The following SRD5A1 variants were observed in gnomAD, a reference collection of about 807,000 sequenced individuals.
The protein encoded by SRD5A1 is 3-oxo-5-alpha-steroid 4-dehydrogenase 1.
In SRD5A1, 22 loss-of-function variants were observed where a neutral mutation model predicts 28.2. The ratio of observed to expected loss-of-function variants is 0.78; its 90% CI spans 0.56 to 1.12. The LOEUF is 1.12. Among genes scored for constraint, SRD5A1 ranks in the 50% most tolerant of loss-of-function variants. SRD5A1 has a pLI of 0.00. For synonymous variants in SRD5A1, 151 were observed against 135.0 expected, an observed-to-expected ratio of 1.12 and a Z score of -0.82; for missense variants, 300 against 346.7, an observed-to-expected ratio of 0.87 and a Z score of 1.07.
intron 4 of SRD5A1, among the ~76,000 whole-genome samples, chr5:6,666,993 C>G (rs189732476): frequency 6.0e-4 from 92 of 152,332 alleles, no homozygotes; most frequent in African/African-American, 2.1e-3. Context: ...GTGCGGCGGC[C>G]AGTGCCGCTG....
chr5:6,665,778 A>T (rs569513032), intron 4 of SRD5A1, among the ~76,000 whole-genome samples: 8 of 152,270 alleles, frequency 5.3e-5, no homozygotes, highest in Admixed American at 2.0e-4. Flanking sequence ...ATCAGGAAAC[A>T]GGAAAGCCCC....
chr5:6,635,460 G>A (rs1249593580), intron 1 of SRD5A1, among the ~76,000 whole-genome samples: 1 of 152,182 alleles, frequency 6.6e-6, no homozygotes, highest in East Asian at 1.9e-4. Flanking sequence ...AGTATTCGGT[G>A]CTATCCTAGT....
At chr5:6,661,202 G>C (rs1304516457) in intron 3 of SRD5A1, among the ~76,000 whole-genome samples, 1 of 152,076 alleles carries the variant, frequency 6.6e-6, no homozygotes, top group Non-Finnish European at 1.5e-5. Flanking sequence ...AAAGCACTGT[G>C]CTGTCTCGGG....
intron 1 of SRD5A1, among the ~76,000 whole-genome samples, chr5:6,648,833 G>C: frequency 6.6e-6 from 1 of 152,226 alleles, no homozygotes; most frequent in East Asian, 1.9e-4. Flanking sequence ...TCCTTTGGAG[G>C]AGAAGAGGCA....
rs748395024 is a variant in SRD5A1 at position 6,671,091 on chromosome 5, A to T, written c.*2823A>T. 6.6e-6 allele frequency: 1 copy of T among 152,306 alleles called. No homozygotes were observed. The highest frequency in any genetic ancestry group is 2.1e-4 in the South Asian group (1 of 4,822). 9.4% of individuals were successfully genotyped at this position (152,306 alleles called of 1,614,324 possible). On this transcript the variant is annotated 3_prime_UTR_variant, in exon 5 of 5. Transcript: ENST00000274192. ...CTAAGGAATTTCCACACTGTTTTCC[A>T]TGGTGGCTCTAATAGTTTACATTCC...
rs192057340 is a variant in SRD5A1, at chr5:6,663,813, T to C, written c.713+847T>C. Among the ~76,000 whole-genome samples the C allele has an allele frequency of 8.2e-4, 124 of 151,738 alleles. 1 individual carries two copies. The highest frequency in any genetic ancestry group is 2.9e-3 in the African/African-American group (121 of 41,314). On this transcript the variant is annotated intron_variant, in intron 4 of 4. Transcript: ENST00000274192. The stretch of plus-strand genomic sequence containing the variant: ...AGGTGGAGGCTGCAGTGAGCCGATA[T>C]CGCACCACTGCACTCCAGCCTGGTT...
chr5:6,646,049 G>T (rs573612800), intron 1 of SRD5A1, among the ~76,000 whole-genome samples: 2 of 152,060 alleles, frequency 1.3e-5, no homozygotes, highest in East Asian at 3.9e-4. Flanking sequence ...CTGCGTCCAT[G>T]TGTTCTCATT....
chr5:6,637,237 ACTC>A (rs1482882306), intron 1 of SRD5A1, among the ~76,000 whole-genome samples: 1 of 151,582 alleles, frequency 6.6e-6, no homozygotes, highest in Non-Finnish European at 1.5e-5. Flanking sequence ...GCCTGTGCCT[ACTC>A]CTATCACCTT....
rs1739353902 is a variant in SRD5A1, at chr5:6,671,357, G to T, written c.*3089G>T. 1 of 151,930 alleles carries T rather than the reference G, an allele frequency of 6.6e-6. No homozygotes were observed. Among genetic ancestry groups the T allele is most frequent in the Non-Finnish European group, 1.5e-5 (1 of 67,958 alleles). The allele number at this position is 151,930 out of a possible 1,614,324, so 9.4% of individuals were successfully genotyped here. A position where few individuals can be genotyped will look rare whatever the true frequency, so the allele number is the denominator to read the frequency against. Reference sequence around the variant, plus strand: ...AACCCACTTTTTGATGGGATTGTTTGTTTTTTTCTTACTGATTTGTTTGAG... The same window carrying T: ...AACCCACTTTTTGATGGGATTGTTTTTTTTTTTCTTACTGATTTGTTTGAG... On this transcript the variant is annotated 3_prime_UTR_variant, in exon 5 of 5. Transcript: ENST00000274192.
chr5:6,641,033 C>T (rs186043171), intron 1 of SRD5A1, among the ~76,000 whole-genome samples: 374 of 152,286 alleles, frequency 2.5e-3, no homozygotes, highest in Non-Finnish European at 3.1e-3. Flanking sequence ...GGAGAAGGGG[C>T]TGTGAGTGCC....
intron 4 of SRD5A1, 98 bp downstream of exon 4, chr5:6,663,064 G>T: frequency 7.0e-7 from 1 of 1,438,408 alleles, no homozygotes; most frequent in South Asian, 1.3e-5. Flanking sequence ...TTAAATCGCT[G>T]AATTCCAGTT....
intron 1 of SRD5A1, among the ~76,000 whole-genome samples, chr5:6,647,677 G>T (rs1293258660): frequency 6.6e-6 from 1 of 152,050 alleles, no homozygotes; most frequent in Non-Finnish European, 1.5e-5. Context: ...ACGTGAGATG[G>T]GTCTCCTGAA....
intron 3 of SRD5A1, among the ~76,000 whole-genome samples, chr5:6,662,542 G>T (rs1437972611): frequency 6.6e-6 from 1 of 152,196 alleles, no homozygotes; most frequent in Admixed American, 6.5e-5. Context: ...TCCATCAGCA[G>T]GTGCACTGGT....
At position 6,674,263 on chromosome 5, in the gene SRD5A1, A is replaced by T. The variant is rs770669872; in HGVS notation, c.*5995A>T. ...GTGTACAACACTAATGCAAGATGTT[A>T]ATAGGGGAAATCGTGTTGGAGAGAG... On this transcript the variant is annotated 3_prime_UTR_variant, in exon 5 of 5. Transcript: ENST00000274192. 4.6e-5 allele frequency: 7 copies of T among 152,116 alleles called. No homozygotes were observed. Among genetic ancestry groups the T allele is most frequent in the Non-Finnish European group, 1.0e-4 (7 of 68,028 alleles). 9.4% of individuals were successfully genotyped at this position (152,116 alleles called of 1,614,324 possible).
At chr5:6,655,253 A>G (rs2126542381) in intron 2 of SRD5A1, among the ~76,000 whole-genome samples, 1 of 152,388 alleles carries the variant, frequency 6.6e-6, no homozygotes, top group East Asian at 1.9e-4. Context: ...AGTATATCAG[A>G]ACCATCAAGT....
intron 3 of SRD5A1, among the ~76,000 whole-genome samples, chr5:6,661,928 A>G (rs993012318): frequency 2.6e-5 from 4 of 152,134 alleles, no homozygotes; most frequent in African/African-American, 9.7e-5. Flanking sequence ...GGCAGATCAC[A>G]CCAGGCCTCT....
At chr5:6,658,373 A>T (rs1738894549) in intron 3 of SRD5A1, among the ~76,000 whole-genome samples, 1 of 152,180 alleles carries the variant, frequency 6.6e-6, no homozygotes, top group Admixed American at 6.5e-5. Context: ...CAGAGTCTAT[A>T]CCCATCAGCT....
At position 6,656,483 on chromosome 5, in the gene SRD5A1, G is replaced by A. The variant is rs8192209; in HGVS notation, c.562+304G>A. Among the ~76,000 whole-genome samples, 1,214 of 152,298 alleles carry A rather than the reference G, an allele frequency of 8.0e-3. 18 individuals are homozygous for A. The highest frequency in any genetic ancestry group is 0.027 in the African/African-American group (1,116 of 41,556). On this transcript the variant is annotated intron_variant, in intron 3 of 4. Transcript: ENST00000274192. ...GTGTCTGACACTTTTGTTTCTAGCAGTATAATGGAATAGATACTTTGACCC... is the reference window on the plus strand; with the variant it reads ...GTGTCTGACACTTTTGTTTCTAGCAATATAATGGAATAGATACTTTGACCC...
intron 2 of SRD5A1, among the ~76,000 whole-genome samples, chr5:6,655,595 T>G (rs1407104173): frequency 6.6e-6 from 1 of 152,238 alleles, no homozygotes; most frequent in Non-Finnish European, 1.5e-5. Flanking sequence ...ACCAGAGATC[T>G]ACTCCTAGGA....
Sources: allele counts gnomAD v4.1 joint callset (sites outside exome capture counted in the v4.1 genomes callset), GRCh38; gene constraint gnomAD v4.1.1; transcripts MANE v1.5; gene names NCBI Gene and HGNC (gene_info 2026-07-23, HGNC 2026-07-21).